Variants in PALM2AKAP2 observed in about 807,000 individuals in gnomAD.
The protein encoded by PALM2AKAP2 is PALM2 and AKAP2 fusion, also known as PALM2-AKAP2 fusion protein.
In PALM2AKAP2, 37 loss-of-function variants were observed where a neutral mutation model predicts 71.5. The ratio of observed to expected loss-of-function variants is 0.52; its 90% CI spans 0.40 to 0.68. The LOEUF is 0.68. Among genes scored for constraint, PALM2AKAP2 ranks in the 30% least tolerant of loss-of-function variants. The pLI, the probability that PALM2AKAP2 is intolerant of heterozygous loss-of-function variation, is 0.00. For synonymous variants in PALM2AKAP2, 468 were observed against 478.8 expected (o/e 0.98, Z 0.29); for missense variants, 1,224 against 1,191.8 (o/e 1.03, Z -0.40).
intron 1 of PALM2AKAP2, among the ~76,000 whole-genome samples, chr9:109,796,918 T>C (rs980502888): frequency 5.3e-5 from 8 of 152,214 alleles, no homozygotes; most frequent in Non-Finnish European, 1.5e-5. Flanking sequence ...ACTAATGATC[T>C]ACCTGGGGCT....
At chr9:110,075,793 A>T (rs1834308085) in intron 1 of PALM2AKAP2, among the ~76,000 whole-genome samples, 1 of 152,216 alleles carries the variant, frequency 6.6e-6, no homozygotes, top group African/African-American at 2.4e-5. Flanking sequence ...CAAGAGTAGT[A>T]CAAAGAATTT....
At chr9:110,054,753 G>A (rs1301809686) in intron 1 of PALM2AKAP2, among the ~76,000 whole-genome samples, 1 of 151,918 alleles carries the variant, frequency 6.6e-6, no homozygotes, top group African/African-American at 2.4e-5. Context: ...TCTATTGTTT[G>A]TAGAGACAGG....
chr9:109,943,009 A>T, intron 6 of PALM2AKAP2: 1 of 1,614,198 alleles, frequency 6.2e-7, no homozygotes, highest in South Asian at 1.1e-5. Flanking sequence ...CAAAGAAGCT[A>T]AGTTAGAAAT....
At position 110,015,940 on chromosome 9, in the gene PALM2AKAP2, T is replaced by C. The variant is rs549117818; in HGVS notation, c.497-14T>C. The C allele has an allele frequency of 8.2e-5, 133 of 1,612,466 alleles. No homozygotes were observed. The highest frequency in any genetic ancestry group is 1.1e-4 in the Non-Finnish European group (129 of 1,179,276). ...ATGACTTGGCTCAAATGGCACTTCT[T>C]TTTTTTCTTTCAGGAGTCGGGTGGG... On this transcript the variant is annotated splice_polypyrimidine_tract_variant and intron_variant, in intron 6 of 9. Coordinates refer to the PALM2AKAP2 transcript ENST00000302798.
chr9:109,824,708 A>G (rs1439801523), intron 1 of PALM2AKAP2, among the ~76,000 whole-genome samples: 1 of 152,250 alleles, frequency 6.6e-6, no homozygotes, highest in Non-Finnish European at 1.5e-5. Flanking sequence ...ATTCAAAAAC[A>G]GGCAGATGTA....
chr9:109,931,436 G>A (rs1831098409), intron 5 of PALM2AKAP2, among the ~76,000 whole-genome samples: 1 of 152,180 alleles, frequency 6.6e-6, no homozygotes, highest in Non-Finnish European at 1.5e-5. Context: ...TTGGTCTTTT[G>A]AATGAATCAG....
intron 1 of PALM2AKAP2, among the ~76,000 whole-genome samples, chr9:109,720,752 A>C (rs1322274): frequency 0.31 from 47,129 of 152,114 alleles, 7,890 homozygotes; most frequent in African/African-American, 0.44. Flanking sequence ...AAGGATATAC[A>C]CAAATGCAGG....
At chr9:109,815,291 A>G (rs1206645681) in intron 1 of PALM2AKAP2, among the ~76,000 whole-genome samples, 1 of 152,170 alleles carries the variant, frequency 6.6e-6, no homozygotes, top group Non-Finnish European at 1.5e-5. Context: ...TTTATTTTGG[A>G]CATGTTGAGA....
intron 1 of PALM2AKAP2, among the ~76,000 whole-genome samples, chr9:110,128,701 G>C (rs941510611): frequency 2.0e-5 from 3 of 152,214 alleles, no homozygotes; most frequent in Non-Finnish European, 2.9e-5. Context: ...GCACACTGTC[G>C]AGCTTTAACA....
chr9:109,951,227 A>G (rs1283337821), intron 6 of PALM2AKAP2, among the ~76,000 whole-genome samples: 4 of 70,210 alleles, frequency 5.7e-5, no homozygotes, highest in African/African-American at 2.4e-4. Flanking sequence ...AAATACTTTC[A>G]TTTGTGGTTG....
chr9:110,155,101 G>A (rs1306095832), intron 2 of PALM2AKAP2, among the ~76,000 whole-genome samples: 4 of 152,182 alleles, frequency 2.6e-5, no homozygotes, highest in Admixed American at 2.0e-4. Context: ...GCCAGTAAAG[G>A]GCTAAGCAGC....
chr9:109,678,738 T>A (rs1047576452), intron 1 of PALM2AKAP2, among the ~76,000 whole-genome samples: 14 of 152,298 alleles, frequency 9.2e-5, no homozygotes, highest in African/African-American at 3.1e-4. Context: ...TGTTGTTTTC[T>A]TTTCTTTTTT....
At chr9:109,938,467 C>T (rs541242180) in intron 6 of PALM2AKAP2, among the ~76,000 whole-genome samples, 6 of 152,196 alleles carry the variant, frequency 3.9e-5, no homozygotes, top group African/African-American at 1.4e-4. Flanking sequence ...GAAAAAAATA[C>T]ATATGCATTT....
intron 1 of PALM2AKAP2, among the ~76,000 whole-genome samples, chr9:109,702,052 C>G (rs1425556647): frequency 2.6e-5 from 4 of 152,236 alleles, no homozygotes; most frequent in Admixed American, 6.5e-5. Context: ...TACCATCTCA[C>G]ACCAGTTAGA....
chr9:109,758,833 T>C (rs1829007155), intron 1 of PALM2AKAP2, among the ~76,000 whole-genome samples: 3 of 152,090 alleles, frequency 2.0e-5, no homozygotes, highest in African/African-American at 7.2e-5. Flanking sequence ...TTGAGTCTCA[T>C]GTTGGCTCTT....
At chr9:109,930,681 C>G (rs1831078043) in intron 5 of PALM2AKAP2, among the ~76,000 whole-genome samples, 1 of 152,188 alleles carries the variant, frequency 6.6e-6, no homozygotes. Context: ...GTTTGCAATC[C>G]TCTTCAGCAA....
In PALM2AKAP2 at chr9:110,138,161, A is replaced by G. The variant is rs775424696; in HGVS notation, c.2191A>G (p.Lys731Glu). 1 of 1,613,988 alleles carries G rather than the reference A, an allele frequency of 6.2e-7. No individual in the cohort carries two copies. Among genetic ancestry groups the G allele is most frequent in the South Asian group, 1.1e-5 (1 of 91,068 alleles). ...TCAAGAGAAAAGGGATGTATTACCA[A>G]AGATTCTGCCTGCTGAAGACAGGGC... The change falls in exon 2 of 4, where the codon AAG becomes GAG. Residue 731 changes from lysine (K) to glutamate (E), a missense_variant. Coordinates refer to ENST00000374525, the Ensembl canonical transcript of PALM2AKAP2.
intron 3 of PALM2AKAP2, among the ~76,000 whole-genome samples, chr9:109,885,963 A>C (rs1587985035): frequency 6.6e-6 from 1 of 152,248 alleles, no homozygotes; most frequent in East Asian, 1.9e-4. Flanking sequence ...GAAGAGGAAA[A>C]CCCGGCTGCC....
intron 1 of PALM2AKAP2, among the ~76,000 whole-genome samples, chr9:109,811,580 T>C (rs1827728322): frequency 6.6e-6 from 1 of 152,168 alleles, no homozygotes; most frequent in Non-Finnish European, 1.5e-5. Flanking sequence ...TCTTTTTCTT[T>C]ATGTTTTTAG....
Sources: allele counts gnomAD v4.1 joint callset (sites outside exome capture counted in the v4.1 genomes callset), GRCh38; gene constraint gnomAD v4.1.1; transcripts MANE v1.5; gene names NCBI Gene and HGNC (gene_info 2026-07-23, HGNC 2026-07-21).